Variants in ARNT observed in about 807,000 individuals in gnomAD.
ARNT encodes the protein aryl hydrocarbon receptor nuclear translocator.
ARNT carries 30 observed loss-of-function variants against 105.0 expected under a neutral mutation model. The observed-to-expected ratio is 0.29, with a 90% CI of 0.21 to 0.39. ARNT has a LOEUF of 0.39. Among genes scored for constraint, ARNT ranks in the 10% least tolerant of loss-of-function variants. The pLI, the probability that ARNT is intolerant of heterozygous loss-of-function variation, is 1.00. For synonymous variants in ARNT, 304 were observed against 344.0 expected, an observed-to-expected ratio of 0.88 and a Z score of 1.29; for missense variants, 748 against 978.7, an observed-to-expected ratio of 0.76 and a Z score of 3.15.
intron 14 of ARNT, among the ~76,000 whole-genome samples, chr1:150,819,144 G>C (rs796966644): frequency 5.9e-5 from 9 of 152,022 alleles, no homozygotes; most frequent in African/African-American, 2.2e-4. Context: ...TCAAGAGGTG[G>C]ATTCAAGGCC....
intron 14 of ARNT, among the ~76,000 whole-genome samples, chr1:150,820,147 A>G (rs1656754377): frequency 6.6e-6 from 1 of 152,188 alleles, no homozygotes; most frequent in African/African-American, 2.4e-5. Context: ...AGCAGAGTTG[A>G]GTAGGTGGAA....
chr1:150,813,310 T>C lies in ARNT; in HGVS notation c.2142A>G (p.Gln714=), dbSNP rs763722704. 5.0e-6 allele frequency: 8 copies of C among 1,613,422 alleles called. No individual in the cohort carries two copies. The highest frequency in any genetic ancestry group is 1.7e-5 in the Admixed American group (1 of 59,932). Residue 714 remains glutamine, a synonymous_variant, in exon 21 of 22, where the codon CAA becomes CAG. Coordinates refer to ENST00000358595, the MANE Select transcript of ARNT (RefSeq NM_001668.4). ...FAPETGQTAG[Q]FQTRTAEGVG... is the part of the protein sequence containing the mutation. ...CACCCTCTGCTGTCCGTGTCTGGAA[T>C]TGTCCTGCAGTCTGTCCAGTCTCAG...
In ARNT at chr1:150,826,544, T is replaced by A; in HGVS notation, c.1241A>T (p.Gln414Leu). 6.2e-7 allele frequency: 1 copy of A among 1,610,976 alleles called. No homozygotes were observed. The highest frequency in any genetic ancestry group is 8.5e-7 in the Non-Finnish European group (1 of 1,177,818). ...DQQLLRDSFQ[Q>L]VVKLKGQVLS... ...GAACCAAACCAGGAAAAAAGTTACC[T>A]GTTGGAAGCTGTCTCTTAGAAGCTG... Residue 414 changes from glutamine (Q) to leucine (L), a missense_variant and splice_region_variant, in exon 13 of 22, where the codon CAG (glutamine) becomes CTG (leucine). By Grantham distance (113) the Gln-to-Leu change is moderately radical. This residue lies in a region of ARNT where 291 missense variants were observed against 444.6 expected (regional missense o/e 0.65). Coordinates refer to ENST00000358595, the MANE Select transcript of ARNT (RefSeq NM_001668.4).
intron 10 of ARNT, 22 bp from the exon 11 acceptor site, chr1:150,830,002 A>G: frequency 6.2e-7 from 1 of 1,613,274 alleles, no homozygotes. Context: ...TGACGTTAAA[A>G]GGTTTAACGG....
At chr1:150,849,276 T>C (rs955335325) in intron 3 of ARNT, among the ~76,000 whole-genome samples, 1 of 152,176 alleles carries the variant, frequency 6.6e-6, no homozygotes, top group Non-Finnish European at 1.5e-5. Context: ...TCATTTTTTT[T>C]TCATTGGGCT....
rs1200685192 is a variant in ARNT at position 150,813,208 on chromosome 1, C to T, written c.2244G>A (p.Pro748=). The stretch of plus-strand genomic sequence containing the variant: ...CAGGCTGGCCAGGTTGCTGTGCTGG[C>T]GGTTGTTGAACATGTTGCTCACTAG... ...SSSSEQHVQQ[P]PAQQPGQPEV... The change falls in exon 21 of 22, where the codon CCG becomes CCA. Residue 748 remains proline (P), a synonymous_variant. Transcript: ENST00000358595. 23 of 1,613,478 alleles carry T rather than the reference C, an allele frequency of 1.4e-5. No homozygotes were observed. Among genetic ancestry groups the T allele is most frequent in the Non-Finnish European group, 1.8e-5 (21 of 1,179,710 alleles).
chr1:150,839,698 G>A (rs1325164746), intron 5 of ARNT, 44 bp from the exon 6 acceptor site: 1 of 1,569,880 alleles, frequency 6.4e-7, no homozygotes, highest in Non-Finnish European at 8.7e-7. Context: ...GGTCACATCT[G>A]GTCATTTGGT....
chr1:150,836,248 T>C (rs1660305626), intron 7 of ARNT, 32 bp downstream of exon 7: 2 of 1,594,000 alleles, frequency 1.3e-6, no homozygotes, highest in Admixed American at 3.4e-5. Context: ...AGAAAGGACT[T>C]CTCATTCATT....
At chr1:150,862,670 G>A (rs1665838869) in intron 1 of ARNT, among the ~76,000 whole-genome samples, 1 of 127,072 alleles carries the variant, frequency 7.9e-6, no homozygotes, top group Admixed American at 9.1e-5. Flanking sequence ...GAGCTCAGGA[G>A]TTCAAAACTA....
At chr1:150,846,726 A>G (rs192360588) in intron 3 of ARNT, among the ~76,000 whole-genome samples, 3 of 152,142 alleles carry the variant, frequency 2.0e-5, no homozygotes, top group Non-Finnish European at 2.9e-5. Context: ...GAACTTTTTC[A>G]TCTTGCAAAA....
intron 1 of ARNT, among the ~76,000 whole-genome samples, chr1:150,871,798 C>A (rs587661341): frequency 1.4e-5 from 2 of 147,808 alleles, no homozygotes; most frequent in Admixed American, 1.4e-4. Flanking sequence ...ATCCCAGCTA[C>A]TCGGGAGGCT....
chr1:150,864,440 T>G (rs1380638955), intron 1 of ARNT, among the ~76,000 whole-genome samples: 1 of 151,842 alleles, frequency 6.6e-6, no homozygotes, highest in South Asian at 2.1e-4. Context: ...CCATAAAAAA[T>G]GATGAGTTCA....
At chr1:150,830,043 A>G (rs1659071673) in intron 10 of ARNT, 63 bp from the exon 11 acceptor site, 1 of 1,558,294 alleles carries the variant, frequency 6.4e-7, no homozygotes, top group Non-Finnish European at 8.8e-7. Flanking sequence ...TTCAAAACTC[A>G]GACAAGTAAA....
At chr1:150,850,353 T>C (rs904811052) in intron 3 of ARNT, among the ~76,000 whole-genome samples, 1 of 152,228 alleles carries the variant, frequency 6.6e-6, no homozygotes, top group Non-Finnish European at 1.5e-5. Flanking sequence ...ACTGTACTGC[T>C]GCCATCTCCG....
chr1:150,831,720 C>G (rs1450269584), intron 10 of ARNT, 98 bp downstream of exon 10: 3 of 758,250 alleles, frequency 4.0e-6, no homozygotes, highest in African/African-American at 3.7e-5. Context: ...CACAAAAGTA[C>G]ATTTCATATA....
chr1:150,834,779 G>T, intron 7 of ARNT, 139 bp from the exon 8 acceptor site: 1 of 604,182 alleles, frequency 1.7e-6, no homozygotes, highest in Non-Finnish European at 2.8e-6. Flanking sequence ...GACCAAGCAG[G>T]AGATGAATTT....
rs764343636 is a variant in ARNT, at chr1:150,823,221, T to C, written c.1367A>G (p.Tyr456Cys). 6.2e-7 allele frequency: 1 copy of C among 1,612,844 alleles called. No homozygotes were observed. The highest frequency in any genetic ancestry group is 1.3e-5 in the African/African-American group (1 of 75,026). ...CACATTGGTGTTGGTACAGATGATGTACTCAATTTCATCTGAGTAAGGGTT... is the reference window on the plus strand; with the variant it reads ...CACATTGGTGTTGGTACAGATGATGCACTCAATTTCATCTGAGTAAGGGTT... ...FQNPYSDEIE[Y>C]IICTNTNVKN... The change falls in exon 14 of 22, where the codon TAC becomes TGC. Residue 456 changes from tyrosine to cysteine, a missense_variant. Physicochemically the swap from Tyr to Cys is radical, Grantham distance 194 (BLOSUM62 -2). This residue lies in a region of ARNT where 360 missense variants were observed against 411.9 expected (regional missense o/e 0.87). Transcript: ENST00000358595.
intron 13 of ARNT, among the ~76,000 whole-genome samples, chr1:150,826,337 T>G (rs1658258318): frequency 6.6e-6 from 1 of 152,210 alleles, no homozygotes; most frequent in South Asian, 2.1e-4. Flanking sequence ...TACAAGACAG[T>G]AAATAGCCAA....
intron 1 of ARNT, among the ~76,000 whole-genome samples, chr1:150,860,459 G>A (rs191747899): frequency 4.8e-4 from 72 of 150,648 alleles, no homozygotes; most frequent in African/African-American, 1.5e-3. Flanking sequence ...CAAGTGATCC[G>A]CCCACCTCAG....
Sources: allele counts gnomAD v4.1 joint callset (sites outside exome capture counted in the v4.1 genomes callset), GRCh38; gene constraint gnomAD v4.1.1; regional missense constraint gnomAD v4.1.1; transcripts MANE v1.5; gene names NCBI Gene and HGNC (gene_info 2026-07-23, HGNC 2026-07-21).